SSUH2: variants seen among roughly 807,000 people sequenced by gnomAD.
SSUH2 encodes the protein ssu-2 homolog, also known as protein SSUH2 homolog.
SSUH2 carries 47 observed loss-of-function variants against 55.3 expected under a neutral mutation model. That is an observed-to-expected ratio of 0.85 (90% CI 0.67 to 1.08). The LOEUF (loss-of-function observed/expected upper bound fraction) is 1.08, where lower values mean the gene tolerates loss of function less well. SSUH2 is among the 50% of genes least tolerant of loss of function. The probability of loss-of-function intolerance (pLI) is 0.00; values close to 1 mark genes in which losing one functional copy is unlikely to be tolerated. For synonymous variants in SSUH2, 212 were observed against 191.5 expected (o/e 1.11, Z -0.89); for missense variants, 535 against 490.7 (o/e 1.09, Z -0.85).
At chr3:8,648,534 A>G (rs1701998040), upstream of SSUH2, among the ~76,000 whole-genome samples, 1 of 152,026 alleles carries the variant, frequency 6.6e-6, no homozygotes, top group South Asian at 2.1e-4. Context: ...TTGTCTCCTC[A>G]GCGACAGCAA....
chr3:8,634,762 TA>T (rs1000778707), intron 3 of SSUH2: 18 of 378,614 alleles, frequency 4.8e-5, no homozygotes, highest in African/African-American at 8.5e-5. Context: ...TGGATTGAAA[TA>T]GGGGGCAGCT....
intron 7 of SSUH2, among the ~76,000 whole-genome samples, chr3:8,628,838 T>A (rs1000704055): frequency 1.3e-5 from 2 of 152,250 alleles, no homozygotes; most frequent in East Asian, 1.9e-4. Context: ...ATAATAGGTG[T>A]CTGGTTTGTT....
chr3:8,635,676 C>A, intron 2 of SSUH2, 83 bp downstream of exon 2: 1 of 1,300,832 alleles, frequency 7.7e-7, no homozygotes, highest in Non-Finnish European at 1.0e-6. Context: ...GCTATCTCAG[C>A]ACCACCTTTT....
intron 1 of SSUH2, among the ~76,000 whole-genome samples, chr3:8,637,882 A>AT (rs1700178121): frequency 6.6e-6 from 1 of 152,138 alleles, no homozygotes; most frequent in Non-Finnish European, 1.5e-5. Context: ...GGAGGAACCT[A>AT]TTTAAAGCCC....
At chr3:8,657,702 G>A (rs1230785219) in intron 7 of SSUH2, among the ~76,000 whole-genome samples, 2 of 152,174 alleles carry the variant, frequency 1.3e-5, no homozygotes, top group African/African-American at 2.4e-5. Context: ...CCTACCAAGA[G>A]GTGAGTATAG....
rs1036435799 is a variant in SSUH2, at chr3:8,628,575, G to A, written c.589-792C>T. ...TAGTTAAGATGAGGTCATATGACAA[G>A]GTAGGGCCTAAATCCGATGACGTGT... On this transcript the variant is annotated intron_variant, in intron 7 of 11. Coordinates refer to ENST00000544814, the MANE Select transcript of SSUH2 (RefSeq NM_001256748.3). Among the ~76,000 whole-genome samples, 16 of 152,214 alleles carry A rather than the reference G, an allele frequency of 1.1e-4. No individual in the cohort carries two copies. The East Asian group carries it at 3.1e-3, about 29-fold the overall frequency.
chr3:8,655,733 C>T (rs187164775), intron 7 of SSUH2, among the ~76,000 whole-genome samples: 2 of 152,296 alleles, frequency 1.3e-5, no homozygotes, highest in Non-Finnish European at 2.9e-5. Context: ...GAGAAAGCAC[C>T]ATTCCTTTGT....
In SSUH2 at chr3:8,651,471, C is replaced by T. The variant is rs930445964; in HGVS notation, c.-307+7454G>A. 3.9e-5 allele frequency among the ~76,000 whole-genome samples: 6 copies of T among 152,314 alleles called. No individual in the cohort carries two copies. The East Asian group carries it at 1.2e-3, about 29-fold the overall frequency. ...GTGAGTAGCAGACCATGGCCCAGGG[C>T]TTCCTCCATGACAAATACACTTTGA... On this transcript the variant is annotated intron_variant, in intron 7 of 18. Transcript: ENST00000317371.
At chr3:8,643,806 G>T (rs1559437547) in intron 1 of SSUH2, among the ~76,000 whole-genome samples, 1 of 152,140 alleles carries the variant, frequency 6.6e-6, no homozygotes, top group Non-Finnish European at 1.5e-5. Flanking sequence ...TGCTCAAAAA[G>T]CATTTTGCCC....
intron 7 of SSUH2, among the ~76,000 whole-genome samples, chr3:8,628,572 C>A (rs1185401930): frequency 6.6e-6 from 1 of 152,138 alleles, no homozygotes; most frequent in Non-Finnish European, 1.5e-5. Flanking sequence ...GGTCATATGA[C>A]AAGGTAGGGC....
rs1413450366 is a variant in SSUH2, at chr3:8,679,338, C to A, written c.-901+367G>T. Among the ~76,000 whole-genome samples the A allele has an allele frequency of 2.3e-5, 2 of 86,016 alleles. 1 individual carries two copies. Among genetic ancestry groups the A allele is most frequent in the East Asian group, 8.4e-4 (2 of 2,390 alleles). 56.4% of individuals were successfully genotyped at this position (86,016 alleles called of 152,430 possible). A position where few individuals can be genotyped will look rare whatever the true frequency, so the allele number is the denominator to read the frequency against. ...ACTAAGAGCCAGCCCCTCTTCCCGCCCCTTGCTCTTCCGACCCCCATCGCA... is the reference window on the plus strand; with the variant it reads ...ACTAAGAGCCAGCCCCTCTTCCCGCACCTTGCTCTTCCGACCCCCATCGCA... On this transcript the variant is annotated intron_variant, in intron 2 of 18. Transcript: ENST00000317371.
At chr3:8,659,216 GTAA>G (rs753896286) in intron 6 of SSUH2, among the ~76,000 whole-genome samples, 7 of 151,994 alleles carry the variant, frequency 4.6e-5, no homozygotes, top group South Asian at 4.2e-4. Flanking sequence ...TTTTTTAAAA[GTAA>G]CAAACCCCAC....
At chr3:8,622,251 T>C (rs1696598884) in intron 11 of SSUH2, among the ~76,000 whole-genome samples, 1 of 152,172 alleles carries the variant, frequency 6.6e-6, no homozygotes, top group East Asian at 1.9e-4. Context: ...TTCAGAGAAG[T>C]GACCTCCACT....
At chr3:8,641,480 GA>G (rs1700833579) in intron 1 of SSUH2, among the ~76,000 whole-genome samples, 2 of 152,200 alleles carry the variant, frequency 1.3e-5, no homozygotes, top group Admixed American at 6.5e-5. Flanking sequence ...GGGGACTCTG[GA>G]AACTGATTCA....
Position 8,644,750 on chromosome 3 carries a change from C to T in SSUH2, c.9G>A (p.Arg3=), listed in dbSNP as rs778404096. MD[R]DLNEDDSVVD... Reference sequence around the variant, plus strand: ...ACTTACTGTCATCTTCATTCAGATCCCTGTCCATGTTCCAGACGTCCTGCC... The same window carrying T: ...ACTTACTGTCATCTTCATTCAGATCTCTGTCCATGTTCCAGACGTCCTGCC... Residue 3 remains arginine, a synonymous_variant, in exon 1 of 12, where the codon AGG becomes AGA. Transcript: ENST00000544814. 2 of 1,535,996 alleles carry T rather than the reference C, an allele frequency of 1.3e-6. No homozygotes were observed. The highest frequency in any genetic ancestry group is 1.7e-6 in the Non-Finnish European group (2 of 1,146,904).
intron 7 of SSUH2, 40 bp downstream of exon 7, chr3:8,629,624 A>C: frequency 1.6e-6 from 1 of 643,892 alleles, no homozygotes; most frequent in Non-Finnish European, 2.4e-6. Flanking sequence ...CCCGGCCACC[A>C]CACCCTCACT....
rs1559570799 is a variant in SSUH2 at position 8,679,180 on chromosome 3, C to CCCTGGCTCTTGGG, written c.-901+524_-901+525insCCCAAGAGCCAGG. Among the ~76,000 whole-genome samples, 46 of 89,962 alleles carry CCCTGGCTCTTGGG rather than the reference C, an allele frequency of 5.1e-4. 13 individuals are homozygous for CCCTGGCTCTTGGG. Among genetic ancestry groups the CCCTGGCTCTTGGG allele is most frequent in the Admixed American group, 1.3e-3 (12 of 9,046 alleles). The allele number at this position is 89,962 out of a possible 152,430, so 59.0% of individuals were successfully genotyped here. On this transcript the variant is annotated intron_variant, in intron 2 of 18. Transcript: ENST00000317371. ...GACTGAGAGGCAGCCGCTGTTCCCC[C>CCCTGGCTCTTGGG]ACACTGGCTCTTGGGACCCCCATCG...
intron 1 of SSUH2, among the ~76,000 whole-genome samples, chr3:8,680,426 T>C (rs1293991115): frequency 1.3e-5 from 2 of 152,102 alleles, no homozygotes; most frequent in African/African-American, 2.4e-5. Flanking sequence ...CAGATGGGTG[T>C]ACACCCTCGG....
At chr3:8,672,773 C>T (rs11711092) in intron 3 of SSUH2, among the ~76,000 whole-genome samples, 4,702 of 152,190 alleles carry the variant, frequency 0.031, 165 homozygotes, top group East Asian at 0.18. Flanking sequence ...CTGGGAGTAA[C>T]AGCATTCTCT....
Sources: allele counts gnomAD v4.1 joint callset (sites outside exome capture counted in the v4.1 genomes callset), GRCh38; gene constraint gnomAD v4.1.1; transcripts MANE v1.5; gene names NCBI Gene and HGNC (gene_info 2026-07-23, HGNC 2026-07-21).